WDR70: variants seen among roughly 807,000 people sequenced by gnomAD.
WDR70 encodes the protein WD repeat domain 70, also known as WD repeat-containing protein 70.
WDR70 carries 53 observed loss-of-function variants against 88.6 expected under a neutral mutation model. The observed-to-expected ratio is 0.60, with a 90% CI of 0.48 to 0.75. The LOEUF (loss-of-function observed/expected upper bound fraction) is 0.75. WDR70 is among the 30% of genes least tolerant of loss of function. WDR70 has a pLI of 0.00. For missense variants in WDR70, 610 were observed against 823.2 expected, an observed-to-expected ratio of 0.74 and a Z score of 3.17; for synonymous variants, 280 against 270.0, an observed-to-expected ratio of 1.04 and a Z score of -0.36.
In WDR70 at chr5:37,708,150, T is replaced by C. The variant is rs533072378; in HGVS notation, c.1416+5063T>C. On this transcript the variant is annotated intron_variant, in intron 13 of 17. Coordinates refer to ENST00000265107, the MANE Select transcript of WDR70 (RefSeq NM_018034.4). ...AGGATTATCTTATATTTTTACTTCCTTCTATCATGGCTTGTTTTTCAGAAT... is the reference window on the plus strand; with the variant it reads ...AGGATTATCTTATATTTTTACTTCCCTCTATCATGGCTTGTTTTTCAGAAT... Among the ~76,000 whole-genome samples, 5 of 150,762 alleles carry C rather than the reference T, an allele frequency of 3.3e-5. No individual in the cohort carries two copies. In the East Asian group the frequency reaches 9.7e-4, roughly 29 times the overall value.
At position 37,675,621 on chromosome 5, in the gene WDR70, G is replaced by A. The variant is rs553165911; in HGVS notation, c.1093-22034G>A. On this transcript the variant is annotated intron_variant, in intron 10 of 17. Coordinates refer to ENST00000265107, the MANE Select transcript of WDR70 (RefSeq NM_018034.4). ...TCTGTTTTGGTACCAGTACCATGCT[G>A]TTTTGGTTACTGTAGCCTTGTACTA... Among the ~76,000 whole-genome samples the A allele has an allele frequency of 3.0e-4, 46 of 152,262 alleles. 2 individuals carry two copies. The South Asian group carries it at 9.3e-3, about 31-fold the overall frequency.
chr5:37,540,720 A>T (rs1366885859), intron 9 of WDR70, among the ~76,000 whole-genome samples: 1 of 152,152 alleles, frequency 6.6e-6, no homozygotes, highest in Admixed American at 6.6e-5. Context: ...GTTAGAATTG[A>T]CTTATTTCCC....
intron 4 of WDR70, 57 bp downstream of exon 4, chr5:37,392,177 G>GTTTTTTT: frequency 7.6e-7 from 1 of 1,310,518 alleles, no homozygotes; most frequent in East Asian, 2.7e-5. Flanking sequence ...TGTTTATAGA[G>GTTTTTTT]TTTTTTTTTT....
At chr5:37,452,860 A>G (rs1738716285) in intron 7 of WDR70, among the ~76,000 whole-genome samples, 1 of 152,238 alleles carries the variant, frequency 6.6e-6, no homozygotes, top group South Asian at 2.1e-4. Context: ...TCACACTCAA[A>G]GAACGCCCCC....
At chr5:37,495,616 G>C (rs1446095213) in intron 8 of WDR70, among the ~76,000 whole-genome samples, 3 of 152,052 alleles carry the variant, frequency 2.0e-5, no homozygotes, top group Admixed American at 6.6e-5. Context: ...TCCAGTTAAG[G>C]CTGTTAAATA....
intron 7 of WDR70, among the ~76,000 whole-genome samples, chr5:37,478,431 C>T (rs1043095214): frequency 6.6e-6 from 1 of 152,190 alleles, no homozygotes; most frequent in Non-Finnish European, 1.5e-5. Context: ...GAAGTCAAAA[C>T]TTCATAGGAC....
At chr5:37,385,712 C>A (rs1228059246) in intron 3 of WDR70, among the ~76,000 whole-genome samples, 1 of 151,700 alleles carries the variant, frequency 6.6e-6, no homozygotes, top group Non-Finnish European at 1.5e-5. Context: ...TCCAAAGGGG[C>A]TTCTAATGAA....
rs182048909 is a variant in WDR70, at chr5:37,713,948, T to A, written c.1417-7167T>A. ...GCCAAACTTTCACAATTATATATAG[T>A]GTGGGGAAGAACAAGTTCTATAATT... On this transcript the variant is annotated intron_variant, in intron 13 of 17. Transcript: ENST00000265107. Among the ~76,000 whole-genome samples the A allele has an allele frequency of 2.0e-5, 3 of 152,324 alleles. No individual in the cohort carries two copies. The East Asian group carries it at 5.8e-4, about 29-fold the overall frequency.
chr5:37,502,188 A>G (rs1052028157), intron 8 of WDR70, among the ~76,000 whole-genome samples: 18 of 149,782 alleles, frequency 1.2e-4, no homozygotes, highest in Non-Finnish European at 2.4e-4. Flanking sequence ...CTTTTTTTTT[A>G]TTTTTTGCGG....
intron 17 of WDR70, among the ~76,000 whole-genome samples, chr5:37,742,475 T>C (rs1192825501): frequency 4.6e-5 from 7 of 152,154 alleles, no homozygotes; most frequent in Admixed American, 2.0e-4. Context: ...CTTTATATAT[T>C]CTGGATATTA....
intron 10 of WDR70, among the ~76,000 whole-genome samples, chr5:37,611,186 C>T (rs929625173): frequency 2.0e-5 from 3 of 151,960 alleles, no homozygotes; most frequent in East Asian, 1.9e-4. Flanking sequence ...GTTAAATTTT[C>T]GTAATGCAGC....
chr5:37,588,358 A>C (rs1554278), intron 9 of WDR70, among the ~76,000 whole-genome samples: 1 of 151,918 alleles, frequency 6.6e-6, no homozygotes, highest in Non-Finnish European at 1.5e-5. Context: ...ATCTACACCC[A>C]AGGGTGTTAT....
intron 9 of WDR70, among the ~76,000 whole-genome samples, chr5:37,566,399 T>C (rs896055199): frequency 3.3e-5 from 5 of 152,168 alleles, no homozygotes; most frequent in African/African-American, 1.2e-4. Flanking sequence ...AATCTACCTC[T>C]TGTTTTTGTT....
chr5:37,648,911 C>G (rs138284618), intron 10 of WDR70, among the ~76,000 whole-genome samples: 2 of 152,144 alleles, frequency 1.3e-5, no homozygotes, highest in African/African-American at 4.8e-5. Context: ...TAGTTTAACA[C>G]ATTAATTTTT....
chr5:37,565,561 C>A (rs1364620535), intron 9 of WDR70, among the ~76,000 whole-genome samples: 1 of 151,998 alleles, frequency 6.6e-6, no homozygotes, highest in East Asian at 1.9e-4. Flanking sequence ...AAAGAAGAAC[C>A]TTGAGTAGAT....
chr5:37,431,402 C>G (rs1370510566), intron 5 of WDR70, among the ~76,000 whole-genome samples: 2 of 151,556 alleles, frequency 1.3e-5, no homozygotes, highest in Non-Finnish European at 2.9e-5. Context: ...TTTTCCATTC[C>G]CACTGTATTA....
intron 10 of WDR70, among the ~76,000 whole-genome samples, chr5:37,664,621 T>A (rs1032878216): frequency 6.6e-6 from 1 of 152,238 alleles, no homozygotes; most frequent in Non-Finnish European, 1.5e-5. Flanking sequence ...GTTTTTACTA[T>A]ACAGTTTATG....
intron 6 of WDR70, among the ~76,000 whole-genome samples, chr5:37,438,633 C>G (rs1750555687): frequency 6.6e-6 from 1 of 151,878 alleles, no homozygotes; most frequent in African/African-American, 2.4e-5. Context: ...CTACTTTTTT[C>G]TAATTGACAT....
rs1383085186 is a variant in WDR70 at position 37,559,476 on chromosome 5, T to C, written c.917+42886T>C. Among the ~76,000 whole-genome samples the C allele has an allele frequency of 7.9e-5, 12 of 152,318 alleles. No homozygotes were observed. In the South Asian group the frequency reaches 1.2e-3, roughly 16 times the overall value. ...AACACAAATATTAATCCAGAGCATA[T>C]TCCTGTAAAGTTTTATAGAAATATT... On this transcript the variant is annotated intron_variant, in intron 9 of 17. Coordinates refer to ENST00000265107, the MANE Select transcript of WDR70 (RefSeq NM_018034.4).
Sources: gnomAD v4.1 joint callset for allele counts (sites outside exome capture counted in the v4.1 genomes callset) on GRCh38, gnomAD v4.1.1 for gene constraint, MANE v1.5 for transcripts, NCBI Gene and HGNC (gene_info 2026-07-23, HGNC 2026-07-21) for gene names.